CACNA1C: variants seen among roughly 807,000 people sequenced by gnomAD.
CACNA1C encodes the protein voltage-dependent L-type calcium channel subunit alpha-1C.
A neutral mutation model predicts 229.0 loss-of-function variants in CACNA1C; 30 were observed. The observed-to-expected ratio is 0.13, with a 90% CI of 0.10 to 0.18. CACNA1C has a LOEUF of 0.18. Ranked by LOEUF, CACNA1C falls within the 10% of genes least tolerant of loss-of-function variation. CACNA1C has a pLI of 1.00. For synonymous variants in CACNA1C, 1,114 were observed against 1,132.5 expected (o/e 0.98, Z 0.33); for missense variants, 1,658 against 2,845.0 (o/e 0.58, Z 9.49).
Position 2,585,324 on chromosome 12 carries a change from C to T in CACNA1C, c.2340-52C>T. 6.3e-7 allele frequency: 1 copy of T among 1,582,840 alleles called. No individual in the cohort carries two copies. The highest frequency in any genetic ancestry group is 1.2e-5 in the South Asian group (1 of 83,934). ...AGGGCGGTTCCCTCCTACACTGTTC[C>T]CTATCACTCCAGTAAACAGCCATTT... On this transcript the variant is annotated intron_variant, in intron 16 of 46. Transcript: ENST00000399655. The surrounding 1 kb of genome is among the most constrained non-coding windows in gnomAD (Gnocchi z 4.1).
rs1012515978 is a variant in CACNA1C at position 2,608,456 on chromosome 12, G to A, written c.3357-55G>A. The A allele has an allele frequency of 5.0e-5, 69 of 1,387,254 alleles. No individual in the cohort carries two copies. Among genetic ancestry groups the A allele is most frequent in the African/African-American group, 3.9e-4 (27 of 69,840 alleles). 85.9% of individuals were successfully genotyped at this position (1,387,254 alleles called of 1,614,324 possible). A position where few individuals can be genotyped will look rare whatever the true frequency, so the allele number is the denominator to read the frequency against. ...CCTGGAGCAGTGGTGCCGTCCTTCC[G>A]CAGAGGGGACCCTGCTTCTCCAGTT... On this transcript the variant is annotated intron_variant, in intron 26 of 46. Transcript: ENST00000399655. The surrounding 1 kb of genome is among the most constrained non-coding windows in gnomAD (Gnocchi z 4.2).
At chr12:2,019,581 G>A (rs374500437) in intron 1 of CACNA1C, among the ~76,000 whole-genome samples, 38 of 127,900 alleles carry the variant, frequency 3.0e-4, no homozygotes, top group African/African-American at 8.5e-4. Context: ...AAAAGAAAGA[G>A]AGAGAGAAAG....
At chr12:2,130,042 C>T (rs893795429) in intron 3 of CACNA1C, among the ~76,000 whole-genome samples, 1 of 151,884 alleles carries the variant, frequency 6.6e-6, no homozygotes, top group Non-Finnish European at 1.5e-5. Context: ...TCTCTTTGTT[C>T]TCTCTAGTTT....
chr12:2,128,433 C>A (rs2091012729), intron 3 of CACNA1C, among the ~76,000 whole-genome samples: 2 of 151,640 alleles, frequency 1.3e-5, no homozygotes, highest in Admixed American at 1.3e-4. Flanking sequence ...TTTTTTGAGA[C>A]AGAGTCTCTC....
intron 5 of CACNA1C, among the ~76,000 whole-genome samples, chr12:2,478,267 C>T (rs1198799542): frequency 6.6e-6 from 1 of 152,100 alleles, no homozygotes; most frequent in African/African-American, 2.4e-5. Flanking sequence ...TGAGGATAAC[C>T]CCCATGCAGG....
At chr12:2,188,178 GAT>G (rs1403907902) in intron 3 of CACNA1C, among the ~76,000 whole-genome samples, 1 of 152,188 alleles carries the variant, frequency 6.6e-6, no homozygotes, top group East Asian at 1.9e-4. Flanking sequence ...CAGACCCTCA[GAT>G]AGTTGGCAAC....
intron 3 of CACNA1C, among the ~76,000 whole-genome samples, chr12:2,323,807 G>A (rs1263214702): frequency 3.9e-5 from 6 of 151,904 alleles, no homozygotes; most frequent in Non-Finnish European, 5.9e-5. Context: ...GTGGGAGTCC[G>A]TGCAGGGAGG....
At chr12:2,238,286 C>T (rs921648372) in intron 3 of CACNA1C, among the ~76,000 whole-genome samples, 1 of 152,210 alleles carries the variant, frequency 6.6e-6, no homozygotes, top group African/African-American at 2.4e-5. Flanking sequence ...GCATGACCTT[C>T]CCACGGAAAT....
At chr12:2,655,082 A>G in intron 33 of CACNA1C, 65 bp from the exon 34 acceptor site, 1 of 969,508 alleles carries the variant, frequency 1.0e-6, no homozygotes, top group Non-Finnish European at 1.6e-6. Flanking sequence ...CCATTGAACA[A>G]TGGTGGGAAA....
intron 3 of CACNA1C, among the ~76,000 whole-genome samples, chr12:2,356,268 T>C (rs912809608): frequency 8.5e-5 from 13 of 152,218 alleles, no homozygotes; most frequent in African/African-American, 3.1e-4. Flanking sequence ...ACACTTCTCA[T>C]TTATTGTGCA....
At chr12:2,604,241 A>G (rs945638166) in intron 22 of CACNA1C, among the ~76,000 whole-genome samples, 4 of 152,146 alleles carry the variant, frequency 2.6e-5, no homozygotes, top group African/African-American at 9.7e-5. Context: ...TCTAGTGTCT[A>G]TGGCTAGCCT....
At chr12:2,117,587 A>G (rs1371740690) in intron 2 of CACNA1C, among the ~76,000 whole-genome samples, 14 of 152,226 alleles carry the variant, frequency 9.2e-5, no homozygotes, top group Admixed American at 6.5e-4. Flanking sequence ...TGGACTTCAA[A>G]TCCAGGTTCC....
At chr12:2,033,610 C>T (rs564674480) in intron 1 of CACNA1C, among the ~76,000 whole-genome samples, 3 of 152,246 alleles carry the variant, frequency 2.0e-5, no homozygotes, top group East Asian at 3.9e-4. Context: ...GTTTTTCTGG[C>T]AACCTCATGC....
chr12:2,366,499 AACTT>A (rs1472747492), intron 3 of CACNA1C, among the ~76,000 whole-genome samples: 7 of 152,202 alleles, frequency 4.6e-5, no homozygotes, highest in African/African-American at 1.7e-4. Flanking sequence ...TGTATTTTAA[AACTT>A]ACTTGTGTTA....
At chr12:2,474,682 G>T (rs759055658) in intron 5 of CACNA1C, among the ~76,000 whole-genome samples, 1 of 151,708 alleles carries the variant, frequency 6.6e-6, no homozygotes, top group Non-Finnish European at 1.5e-5. Flanking sequence ...CTTGAACCTG[G>T]GAGGCGCAGG....
At position 2,053,202 on chromosome 12, in the gene CACNA1C, C is replaced by T; in HGVS notation, c.-361C>T. 1.0e-6 allele frequency: 1 copy of T among 1,002,724 alleles called. No homozygotes were observed. The allele number at this position is 1,002,724 out of a possible 1,614,324, so 62.1% of individuals were successfully genotyped here. A position where few individuals can be genotyped will look rare whatever the true frequency, so the allele number is the denominator to read the frequency against. On this transcript the variant is annotated 5_prime_UTR_variant, in exon 1 of 47. Coordinates refer to ENST00000399655, the MANE Select transcript of CACNA1C (RefSeq NM_000719.7). The surrounding 1 kb of genome is among the most constrained non-coding windows in gnomAD (Gnocchi z 5.8). The stretch of plus-strand genomic sequence containing the variant: ...CCTGCCGGCCCAGGCGGGCCCCGCG[C>T]GCCCCCCGCCCCTCCTCTCCGCCTC...
In CACNA1C at chr12:2,110,574, G is replaced by A. The variant is rs549247169; in HGVS notation, c.50-4650G>A. Among the ~76,000 whole-genome samples the A allele has an allele frequency of 5.3e-5, 8 of 152,304 alleles. No individual in the cohort carries two copies. The South Asian group carries it at 8.3e-4, about 16-fold the overall frequency. On this transcript the variant is annotated intron_variant, in intron 1 of 46. Transcript: ENST00000399655. Reference sequence around the variant, plus strand: ...TGGTGATTTCGTGCTAACAAAAGCCGTCAGGGACACAATGCTGCCTGCCCT... The same window carrying A: ...TGGTGATTTCGTGCTAACAAAAGCCATCAGGGACACAATGCTGCCTGCCCT...
intron 3 of CACNA1C, among the ~76,000 whole-genome samples, chr12:2,270,821 G>A (rs190056421): frequency 4.6e-5 from 7 of 152,300 alleles, no homozygotes; most frequent in Non-Finnish European, 7.3e-5. Flanking sequence ...CTCCACCTGC[G>A]GGGAGAGCAC....
chr12:2,609,263 T>C (rs549435497), intron 27 of CACNA1C, among the ~76,000 whole-genome samples: 17 of 152,098 alleles, frequency 1.1e-4, no homozygotes, highest in African/African-American at 3.9e-4. Context: ...CGTGGCTGAG[T>C]CAGGAAGCTG....
Sources: allele counts gnomAD v4.1 joint callset (sites outside exome capture counted in the v4.1 genomes callset), GRCh38; gene constraint gnomAD v4.1.1; non-coding constraint Gnocchi (gnomAD v3.1); transcripts MANE v1.5; gene names NCBI Gene and HGNC (gene_info 2026-07-23, HGNC 2026-07-21).